The following ABHD4 variants were observed in gnomAD, a reference collection of about 807,000 sequenced individuals.
ABHD4 encodes the protein (Lyso)-N-acylphosphatidylethanolamine lipase.
In ABHD4, 35 loss-of-function variants were observed where a neutral mutation model predicts 42.3. The observed-to-expected ratio is 0.83, with a 90% CI of 0.63 to 1.10. The LOEUF (loss-of-function observed/expected upper bound fraction) is 1.10, where lower values mean the gene tolerates loss of function less well. Among genes scored for constraint, ABHD4 ranks in the 50% least tolerant of loss-of-function variants. The pLI is 0.00. For synonymous variants in ABHD4, 169 were observed against 170.6 expected (o/e 0.99, Z 0.07); for missense variants, 389 against 454.8 (o/e 0.86, Z 1.32).
intron 4 of ABHD4, among the ~76,000 whole-genome samples, chr14:22,605,622 C>T (rs541723480): frequency 1.3e-5 from 2 of 152,184 alleles, no homozygotes; most frequent in Non-Finnish European, 2.9e-5. Flanking sequence ...CTCCCCTATT[C>T]TCACCTCTGG....
In ABHD4 at chr14:22,611,919, G is replaced by T. The variant is rs1345777418; in HGVS notation, c.*971G>T. 1 of 152,828 alleles carries T rather than the reference G, an allele frequency of 6.5e-6. No individual in the cohort carries two copies. Among genetic ancestry groups the T allele is most frequent in the Non-Finnish European group, 1.5e-5 (1 of 68,256 alleles). 9.5% of individuals were successfully genotyped at this position (152,828 alleles called of 1,614,324 possible). A position where few individuals can be genotyped will look rare whatever the true frequency, so the allele number is the denominator to read the frequency against. On this transcript the variant is annotated 3_prime_UTR_variant, in exon 7 of 7. Coordinates refer to ENST00000428304, the MANE Select transcript of ABHD4 (RefSeq NM_022060.3). Reference sequence around the variant, plus strand: ...GGTGGCTCCTGGTGAAGAGAGGGTGGAAAGGCCCTTCAGCCCCAGGGCCAT... The same window carrying T: ...GGTGGCTCCTGGTGAAGAGAGGGTGTAAAGGCCCTTCAGCCCCAGGGCCAT...
intron 1 of ABHD4, chr14:22,600,020 G>A: frequency 6.9e-6 from 2 of 289,578 alleles, no homozygotes; most frequent in South Asian, 2.7e-5. Flanking sequence ...TTTAGCTGGG[G>A]GGAAAGAAAG....
At chr14:22,600,200 G>A (rs543295732) in intron 1 of ABHD4, 39 of 455,910 alleles carry the variant, frequency 8.6e-5, no homozygotes, top group South Asian at 6.0e-4. Context: ...GCTGGTAAGT[G>A]ACAGTGCTAA....
chr14:22,608,066 A>G (rs35413688), intron 5 of ABHD4, among the ~76,000 whole-genome samples: 17,127 of 152,252 alleles, frequency 0.11, 1,032 homozygotes, highest in Non-Finnish European at 0.13. Context: ...TGAAGTAGGT[A>G]TAATACTCTA....
chr14:22,600,163 G>C (rs772667099), intron 1 of ABHD4: 2 of 455,836 alleles, frequency 4.4e-6, no homozygotes, highest in Admixed American at 2.4e-5. Flanking sequence ...ACACAGAAAA[G>C]CTAAATAATG....
At chr14:22,602,124 T>C (rs1020423764) in intron 2 of ABHD4, among the ~76,000 whole-genome samples, 1 of 152,066 alleles carries the variant, frequency 6.6e-6, no homozygotes, top group African/African-American at 2.4e-5. Flanking sequence ...TTCTTAGATT[T>C]ACCACCTGCA....
rs148116289 is a variant in ABHD4 at position 22,603,596 on chromosome 14, C to T, written c.319C>T (p.Arg107Ter). 7 of 1,613,990 alleles carry T rather than the reference C, an allele frequency of 4.3e-6. No individual in the cohort carries two copies. The highest frequency in any genetic ancestry group is 1.3e-5 in the African/African-American group (1 of 74,902). The change falls in exon 3 of 7, where the codon CGA becomes TGA. Residue 107 changes from arginine (R) to a stop codon, truncating the protein, a stop_gained. Transcript: ENST00000428304. LOFTEE classifies it high-confidence loss of function. ...LHTFDLLGFGRSSRPAFPRDP... is the reference protein window; with the variant it reads ...LHTFDLLGFG ...CACCTTCGATCTGCTTGGCTTCGGG[C>T]GAAGCTCAAGGCCAGCATTCCCAAG...
intron 2 of ABHD4, among the ~76,000 whole-genome samples, chr14:22,603,011 T>A (rs887374893): frequency 2.0e-5 from 3 of 152,090 alleles, no homozygotes; most frequent in African/African-American, 4.8e-5. Flanking sequence ...TCAAACCAGT[T>A]TAACAGGATC....
intron 5 of ABHD4, among the ~76,000 whole-genome samples, chr14:22,607,760 T>C (rs2037366053): frequency 6.6e-6 from 1 of 152,196 alleles, no homozygotes; most frequent in Non-Finnish European, 1.5e-5. Flanking sequence ...CCAGACCTAG[T>C]TCTGTACAAT....
chr14:22,605,841 C>A (rs1235128544), intron 4 of ABHD4: 1 of 1,288,490 alleles, frequency 7.8e-7, no homozygotes, highest in East Asian at 5.5e-5. Flanking sequence ...ACCAGTAGAC[C>A]TCATTTTTAC....
intron 5 of ABHD4, among the ~76,000 whole-genome samples, chr14:22,606,764 C>G (rs1332637871): frequency 6.6e-6 from 1 of 152,020 alleles, no homozygotes; most frequent in African/African-American, 2.4e-5. Context: ...GAGGAAGGCC[C>G]TCCCTGTTCC....
intron 4 of ABHD4, chr14:22,605,874 T>C (rs765635412): frequency 7.9e-7 from 1 of 1,272,540 alleles, no homozygotes; most frequent in African/African-American, 1.5e-5. Flanking sequence ...CATGTATGTA[T>C]ACCATAATGA....
intron 1 of ABHD4, chr14:22,600,203 A>G (rs1439868808): frequency 2.2e-6 from 1 of 455,942 alleles, no homozygotes; most frequent in Non-Finnish European, 4.4e-6. Flanking sequence ...GGTAAGTGAC[A>G]GTGCTAAAAT....
intron 5 of ABHD4, 29 bp downstream of exon 5, chr14:22,606,562 G>A (rs1800793845): frequency 1.3e-6 from 2 of 1,507,496 alleles, no homozygotes; most frequent in Admixed American, 1.8e-5. Context: ...GCCAGCTTGG[G>A]GCAGACAGTT....
intron 1 of ABHD4, among the ~76,000 whole-genome samples, chr14:22,600,831 G>GTGTGT (rs1555307697): frequency 6.7e-4 from 44 of 65,222 alleles, no homozygotes; most frequent in African/African-American, 2.0e-3. Context: ...CCAGCAGGGG[G>GTGTGT]GTGTGTGTGT....
chr14:22,599,374 C>T (rs1472271284), intron 1 of ABHD4, among the ~76,000 whole-genome samples: 1 of 152,172 alleles, frequency 6.6e-6, no homozygotes, highest in East Asian at 1.9e-4. Flanking sequence ...TGCCCAAGAT[C>T]ACAGAGGTCT....
rs1382027691 is a variant in ABHD4 at position 22,612,839 on chromosome 14, A to C, written c.*1891A>C. 6.6e-6 allele frequency: 1 copy of C among 152,164 alleles called. No homozygotes were observed. Among genetic ancestry groups the C allele is most frequent in the Non-Finnish European group, 1.5e-5 (1 of 68,040 alleles). 9.4% of individuals were successfully genotyped at this position (152,164 alleles called of 1,614,324 possible). Reference sequence around the variant, plus strand: ...TGGCATATCATCTGCCCCTTTTGTAAAACTTATAAACTTGTGGTTACTTGT... The same window carrying C: ...TGGCATATCATCTGCCCCTTTTGTACAACTTATAAACTTGTGGTTACTTGT... On this transcript the variant is annotated 3_prime_UTR_variant, in exon 7 of 7. Coordinates refer to ENST00000428304, the MANE Select transcript of ABHD4 (RefSeq NM_022060.3).
chr14:22,610,057 G>T, intron 6 of ABHD4, 147 bp downstream of exon 6: 1 of 733,672 alleles, frequency 1.4e-6, no homozygotes, highest in East Asian at 2.9e-5. Context: ...ACTCTCTTTG[G>T]AATATCTTTT....
Position 22,603,984 on chromosome 14 carries a change from G to A in ABHD4, c.545G>A (p.Ser182Asn). Residue 182 changes from serine (S) to asparagine (N), a missense_variant, in exon 4 of 7, where the codon AGT becomes AAT. By Grantham distance (46) the Ser-to-Asn change is conservative. Around this residue, in one of 3 missense-constraint regions of ABHD4, gnomAD observed 249 missense variants for 254.4 expected, o/e 0.98. Transcript: ENST00000428304. ...WGFPLRPTNPSEIRAPPAWVK... is the reference protein window; with the variant it reads ...WGFPLRPTNPNEIRAPPAWVK... ...TTTCCCCTCCGACCAACTAACCCCA[G>A]TGAGATCCGTGCACCCCCAGCCTGG... is the stretch of plus-strand genomic sequence containing the variant. The A allele has an allele frequency of 6.2e-7, 1 of 1,614,190 alleles. No homozygotes were observed. Among genetic ancestry groups the A allele is most frequent in the Non-Finnish European group, 8.5e-7 (1 of 1,180,048 alleles).
Sources: gnomAD v4.1 joint callset for allele counts (sites outside exome capture counted in the v4.1 genomes callset) on GRCh38, gnomAD v4.1.1 for gene constraint, gnomAD v4.1.1 regional missense constraint, MANE v1.5 for transcripts, NCBI Gene and HGNC (gene_info 2026-07-23, HGNC 2026-07-21) for gene names.